XKR4: variants seen among roughly 807,000 people sequenced by gnomAD.
The protein encoded by XKR4 is XK-related protein 4.
In XKR4, 12 loss-of-function variants were observed where a neutral mutation model predicts 53.9. The ratio of observed to expected loss-of-function variants is 0.22; its 90% CI spans 0.14 to 0.36. The LOEUF (loss-of-function observed/expected upper bound fraction) is 0.36, where lower values mean the gene tolerates loss of function less well. Ranked by LOEUF, XKR4 falls within the 10% of genes least tolerant of loss-of-function variation. XKR4 has a pLI of 1.00. For missense variants in XKR4, 799 were observed against 859.5 expected (o/e 0.93, Z 0.88); for synonymous variants, 354 against 362.4 (o/e 0.98, Z 0.26).
At chr8:55,282,522 A>G (rs1818857335) in intron 1 of XKR4, among the ~76,000 whole-genome samples, 1 of 152,106 alleles carries the variant, frequency 6.6e-6, no homozygotes, top group South Asian at 2.1e-4. Flanking sequence ...AGATGGAGCA[A>G]TAGATAGAGA....
intron 1 of XKR4, among the ~76,000 whole-genome samples, chr8:55,251,466 A>C (rs1053890217): frequency 2.0e-5 from 3 of 152,188 alleles, no homozygotes; most frequent in African/African-American, 7.2e-5. Flanking sequence ...CTGCCTGCCT[A>C]TTAACTTTTT....
At chr8:55,150,221 G>A (rs993861146) in intron 1 of XKR4, among the ~76,000 whole-genome samples, 3 of 152,180 alleles carry the variant, frequency 2.0e-5, no homozygotes, top group Non-Finnish European at 4.4e-5. Flanking sequence ...TTTAAACACT[G>A]AACATTGCTA....
chr8:55,415,851 A>G (rs1363475160), intron 2 of XKR4, among the ~76,000 whole-genome samples: 1 of 152,008 alleles, frequency 6.6e-6, no homozygotes, highest in Non-Finnish European at 1.5e-5. Context: ...AAACAACACA[A>G]CTCTTGACAG....
At chr8:55,113,869 T>A (rs1215957946) in intron 1 of XKR4, among the ~76,000 whole-genome samples, 4 of 152,192 alleles carry the variant, frequency 2.6e-5, no homozygotes, top group African/African-American at 9.7e-5. Flanking sequence ...GATAATGACC[T>A]CCAGTTCCAT....
intron 1 of XKR4, among the ~76,000 whole-genome samples, chr8:55,179,821 T>C (rs1817283209): frequency 6.6e-6 from 1 of 152,242 alleles, no homozygotes; most frequent in Non-Finnish European, 1.5e-5. Flanking sequence ...TACCCTTTTT[T>C]ATTTATCTTC....
intron 1 of XKR4, among the ~76,000 whole-genome samples, chr8:55,246,988 G>C (rs35002768): frequency 0.15 from 23,318 of 152,156 alleles, 2,162 homozygotes; most frequent in Non-Finnish European, 0.21. Flanking sequence ...TTAGTGTCTG[G>C]AGAAGTCATG....
At chr8:55,248,061 T>C (rs34878880) in intron 1 of XKR4, among the ~76,000 whole-genome samples, 22,913 of 151,328 alleles carry the variant, frequency 0.15, 2,087 homozygotes, top group Non-Finnish European at 0.21. Flanking sequence ...TTCATTGTGT[T>C]AGCCAGGATG....
In XKR4 at chr8:55,535,387, C is replaced by T. The variant is rs1235794222; in HGVS notation, c.*11160C>T. On this transcript the variant is annotated 3_prime_UTR_variant, in exon 3 of 3. Coordinates refer to ENST00000327381, the MANE Select transcript of XKR4 (RefSeq NM_052898.2). Reference sequence around the variant, plus strand: ...GCTATCCCTCCCCCCTCCCCCCACCCCACAACACTCCCCGGTGTGTGATGT... The same window carrying T: ...GCTATCCCTCCCCCCTCCCCCCACCTCACAACACTCCCCGGTGTGTGATGT... 25 of 130,996 alleles carry T rather than the reference C, an allele frequency of 1.9e-4. No individual in the cohort carries two copies. Among genetic ancestry groups the T allele is most frequent in the African/African-American group, 7.0e-4 (25 of 35,870 alleles). The allele number at this position is 130,996 out of a possible 1,614,324, so 8.1% of individuals were successfully genotyped here.
intron 2 of XKR4, among the ~76,000 whole-genome samples, chr8:55,495,626 G>A (rs1585605693): frequency 6.6e-6 from 1 of 152,198 alleles, no homozygotes; most frequent in Non-Finnish European, 1.5e-5. Context: ...TCCCCCCCAG[G>A]CCCTCCCCAC....
In XKR4 at chr8:55,524,521, A is replaced by G. The variant is rs546320761; in HGVS notation, c.*294A>G. 2 of 377,688 alleles carry G rather than the reference A, an allele frequency of 5.3e-6. No homozygotes were observed. The highest frequency in any genetic ancestry group is 1.0e-4 in the South Asian group (2 of 19,166). 23.4% of individuals were successfully genotyped at this position (377,688 alleles called of 1,614,324 possible). ...GGTGCACCCACCAGAGGGTACTACT[A>G]TTATGGAAAAATTTTGCCTCCAATC... On this transcript the variant is annotated 3_prime_UTR_variant, in exon 3 of 3. Transcript: ENST00000327381.
At chr8:55,247,858 T>TCTTTCTTTCTTTCTTTCTTTCTTTC (rs1554572236) in intron 1 of XKR4, among the ~76,000 whole-genome samples, 10 of 97,788 alleles carry the variant, frequency 1.0e-4, no homozygotes, top group African/African-American at 1.9e-4. Context: ...TTTCTTTCTT[T>TCTTTCTTTCTTTCTTTCTTTCTTTC]TTTTTTTTTT....
intron 1 of XKR4, among the ~76,000 whole-genome samples, chr8:55,338,028 T>C (rs1336869384): frequency 6.6e-6 from 1 of 152,172 alleles, no homozygotes; most frequent in African/African-American, 2.4e-5. Context: ...ATTACAGAAA[T>C]AGGCCAATTT....
At chr8:55,471,007 A>G (rs1805873059) in intron 2 of XKR4, among the ~76,000 whole-genome samples, 1 of 152,138 alleles carries the variant, frequency 6.6e-6, no homozygotes, top group Non-Finnish European at 1.5e-5. Flanking sequence ...ATGTGAATAG[A>G]CTTTTGTCCT....
intron 1 of XKR4, among the ~76,000 whole-genome samples, chr8:55,242,707 G>T (rs1053076568): frequency 6.6e-6 from 1 of 152,120 alleles, no homozygotes; most frequent in Non-Finnish European, 1.5e-5. Context: ...GGGATGTTGA[G>T]TTAGCCCCTG....
At chr8:55,384,512 A>C (rs1009672806) in intron 2 of XKR4, among the ~76,000 whole-genome samples, 1 of 152,236 alleles carries the variant, frequency 6.6e-6, no homozygotes, top group African/African-American at 2.4e-5. Flanking sequence ...CAGGGGAGAA[A>C]AAAAATAGCC....
intron 1 of XKR4, among the ~76,000 whole-genome samples, chr8:55,306,000 A>C (rs1819293446): frequency 6.6e-6 from 1 of 152,248 alleles, no homozygotes; most frequent in Admixed American, 6.5e-5. Context: ...TCTTCTGATT[A>C]AGAGAAACTA....
At chr8:55,200,999 A>C (rs1817571568) in intron 1 of XKR4, among the ~76,000 whole-genome samples, 2 of 152,334 alleles carry the variant, frequency 1.3e-5, no homozygotes, top group African/African-American at 4.8e-5. Flanking sequence ...CTTATTTGAG[A>C]AGCATTTCCT....
chr8:55,330,012 A>G (rs1803360390), intron 1 of XKR4, among the ~76,000 whole-genome samples: 1 of 152,200 alleles, frequency 6.6e-6, no homozygotes, highest in African/African-American at 2.4e-5. Context: ...TATGTGAACA[A>G]ATATATATAA....
chr8:55,269,688 C>T (rs1216318981), intron 1 of XKR4, among the ~76,000 whole-genome samples: 11 of 152,106 alleles, frequency 7.2e-5, no homozygotes, highest in Admixed American at 4.6e-4. Context: ...AGTTAGCACC[C>T]GATCAGAGCT....
Sources: allele counts gnomAD v4.1 joint callset (sites outside exome capture counted in the v4.1 genomes callset), GRCh38; gene constraint gnomAD v4.1.1; transcripts MANE v1.5; gene names NCBI Gene and HGNC (gene_info 2026-07-23, HGNC 2026-07-21).